EXTL2: variants seen among roughly 807,000 people sequenced by gnomAD.
EXTL2 encodes the protein exostosin-like 2.
Under a neutral mutation model 30.7 loss-of-function variants are expected in EXTL2, and 23 were observed. The observed-to-expected ratio is 0.75, with a 90% CI of 0.54 to 1.06. The LOEUF (loss-of-function observed/expected upper bound fraction) is 1.06. Among genes scored for constraint, EXTL2 ranks in the 50% least tolerant of loss-of-function variants. EXTL2 has a pLI of 0.00. For synonymous variants in EXTL2, 123 were observed against 133.8 expected, an observed-to-expected ratio of 0.92 and a Z score of 0.56; for missense variants, 352 against 396.3, an observed-to-expected ratio of 0.89 and a Z score of 0.95.
Position 100,874,211 on chromosome 1 carries a change from T to TTTGAGTA in EXTL2, c.717_723dup (p.Asn242TyrfsTer5). 6.2e-7 allele frequency: 1 copy of TTTGAGTA among 1,612,984 alleles called. No individual in the cohort carries two copies. The highest frequency in any genetic ancestry group is 8.5e-7 in the Non-Finnish European group (1 of 1,179,432). On this transcript the variant is annotated frameshift_variant, in exon 5 of 5. Coordinates refer to ENST00000370114, the MANE Select transcript of EXTL2 (RefSeq NM_001033025.3). LOFTEE classifies it high-confidence loss of function. ...AAATTCATGGCAATATCATCACAGT[T>TTTGAGTA]TTGAGTATCATCTATCAAAGCATGG...
At chr1:100,880,317 C>T (rs1570460371) in intron 2 of EXTL2, among the ~76,000 whole-genome samples, 1 of 152,088 alleles carries the variant, frequency 6.6e-6, no homozygotes, top group African/African-American at 2.4e-5. Flanking sequence ...TTTCAACAGT[C>T]CAGATTTGAA....
Position 100,873,904 on chromosome 1 carries a change from C to T in EXTL2, c.*38G>A, listed in dbSNP as rs1174042152. 2 of 1,520,624 alleles carry T rather than the reference C, an allele frequency of 1.3e-6. No homozygotes were observed. Among genetic ancestry groups the T allele is most frequent in the African/African-American group, 2.8e-5 (2 of 71,562 alleles). 94.2% of individuals were successfully genotyped at this position (1,520,624 alleles called of 1,614,324 possible). A position where few individuals can be genotyped will look rare whatever the true frequency, so the allele number is the denominator to read the frequency against. ...ATAGCATGGAGAAGCTACTCAAATG[C>T]CAAGCAGTTTTCAGGTTTGTTTTTG... On this transcript the variant is annotated 3_prime_UTR_variant, in exon 5 of 5. Coordinates refer to ENST00000370114, the MANE Select transcript of EXTL2 (RefSeq NM_001033025.3).
intron 4 of EXTL2, among the ~76,000 whole-genome samples, chr1:100,876,191 T>C (rs1347707135): frequency 6.6e-6 from 1 of 152,068 alleles, no homozygotes; most frequent in Non-Finnish European, 1.5e-5. Context: ...GTGCAACTTG[T>C]AAAAGTTAGC....
At chr1:100,879,540 G>A (rs893684958) in intron 2 of EXTL2, among the ~76,000 whole-genome samples, 8 of 152,088 alleles carry the variant, frequency 5.3e-5, no homozygotes, top group African/African-American at 1.9e-4. Context: ...TGTTATTCTT[G>A]GTGACCTTAA....
intron 2 of EXTL2, among the ~76,000 whole-genome samples, chr1:100,879,203 G>A (rs1390553423): frequency 1.3e-5 from 2 of 152,020 alleles, no homozygotes; most frequent in African/African-American, 4.8e-5. Flanking sequence ...AGTACTGTTG[G>A]CATTCAATTA....
intron 1 of EXTL2, among the ~76,000 whole-genome samples, chr1:100,889,887 T>C (rs1650285148): frequency 6.6e-6 from 1 of 152,196 alleles, no homozygotes; most frequent in African/African-American, 2.4e-5. Context: ...TGAGTGTCTG[T>C]GGCTTTTCCA....
At chr1:100,894,920 T>G (rs1227522734), upstream of EXTL2, 1 of 152,244 alleles carries the variant, frequency 6.6e-6, no homozygotes, top group Non-Finnish European at 1.5e-5. Context: ...TTTTGTAGTT[T>G]CCAGCCCACC....
intron 2 of EXTL2, among the ~76,000 whole-genome samples, chr1:100,881,512 C>T (rs1317055695): frequency 6.6e-6 from 1 of 152,208 alleles, no homozygotes; most frequent in Non-Finnish European, 1.5e-5. Flanking sequence ...CCTAAACTTT[C>T]CCTTTTAGGT....
At chr1:100,889,641 C>G (rs745900767) in intron 1 of EXTL2, among the ~76,000 whole-genome samples, 14 of 152,156 alleles carry the variant, frequency 9.2e-5, no homozygotes, top group Non-Finnish European at 1.6e-4. Flanking sequence ...GAAAAATGCT[C>G]CCATTCCAAA....
intron 2 of EXTL2, among the ~76,000 whole-genome samples, chr1:100,885,064 T>C (rs915824173): frequency 2.6e-5 from 4 of 152,214 alleles, no homozygotes; most frequent in Non-Finnish European, 4.4e-5. Flanking sequence ...AAAGCAACTG[T>C]TCCCTACATA....
At chr1:100,889,691 T>G (rs563052897) in intron 1 of EXTL2, among the ~76,000 whole-genome samples, 1 of 152,322 alleles carries the variant, frequency 6.6e-6, no homozygotes, top group African/African-American at 2.4e-5. Context: ...ACAGGCCCCA[T>G]GCAAGTCCGA....
intron 2 of EXTL2, 84 bp downstream of exon 2, chr1:100,888,669 A>T: frequency 1.4e-6 from 1 of 697,922 alleles, no homozygotes; most frequent in Non-Finnish European, 2.5e-6. Context: ...TGAACTATAT[A>T]CTTAAAACCC....
chr1:100,888,479 A>G (rs1650152370), intron 2 of EXTL2: 1 of 302,422 alleles, frequency 3.3e-6, no homozygotes, highest in Non-Finnish European at 6.1e-6. Flanking sequence ...GTATGATTCC[A>G]TTTATTATGA....
Position 100,877,680 on chromosome 1 carries a change from C to A in EXTL2, c.229G>T (p.Asp77Tyr). The A allele has an allele frequency of 6.2e-7, 1 of 1,613,604 alleles. No homozygotes were observed. The highest frequency in any genetic ancestry group is 8.5e-7 in the Non-Finnish European group (1 of 1,179,696). Reference sequence around the variant, plus strand: ...TGATTTAAAAGTTTCAATAAGAGATCTGTTCTGTTGTACGTCTGCATTATG... The same window carrying A: ...TGATTTAAAAGTTTCAATAAGAGATATGTTCTGTTGTACGTCTGCATTATG... ...TLIMQTYNRT[D>Y]LLLKLLNHYQ... Residue 77 changes from aspartate to tyrosine, a missense_variant, in exon 3 of 5, where the codon GAT becomes TAT. Transcript: ENST00000370114. This position sits in a 1 kb window ranked among gnomAD's most constrained non-coding sequence, Gnocchi z 4.1.
intron 1 of EXTL2, among the ~76,000 whole-genome samples, chr1:100,894,155 T>A (rs1008756182): frequency 2.8e-5 from 4 of 144,000 alleles, no homozygotes; most frequent in Non-Finnish European, 4.4e-5. Context: ...CTATTACTTC[T>A]CCCGCCTTCT....
At chr1:100,890,716 C>G (rs2100973650) in intron 1 of EXTL2, among the ~76,000 whole-genome samples, 1 of 152,282 alleles carries the variant, frequency 6.6e-6, no homozygotes, top group East Asian at 1.9e-4. Flanking sequence ...CATCTGAGAC[C>G]ACATCAGCCT....
intron 2 of EXTL2, among the ~76,000 whole-genome samples, chr1:100,884,159 A>C (rs1185041568): frequency 6.6e-6 from 1 of 152,342 alleles, no homozygotes; most frequent in East Asian, 1.9e-4. Flanking sequence ...ATAAGGTAGA[A>C]AAGCAATGAG....
chr1:100,880,280 G>A (rs999418174), intron 2 of EXTL2, among the ~76,000 whole-genome samples: 1 of 152,134 alleles, frequency 6.6e-6, no homozygotes, highest in African/African-American at 2.4e-5. Context: ...ACAAGGAGAA[G>A]ATCATTGTCA....
chr1:100,872,661 G>A lies in EXTL2; in HGVS notation c.*1281C>T, dbSNP rs534040074. 6.6e-6 allele frequency: 1 copy of A among 152,468 alleles called. No individual in the cohort carries two copies. The highest frequency in any genetic ancestry group is 1.5e-5 in the Non-Finnish European group (1 of 67,944). 9.4% of individuals were successfully genotyped at this position (152,468 alleles called of 1,614,324 possible). On this transcript the variant is annotated 3_prime_UTR_variant, in exon 5 of 5. Transcript: ENST00000370114. ...AATATTCTCACAGCTTTGCAATTTT[G>A]AGAATATACTAGCATTATATAAGAA...
Sources: gnomAD v4.1 joint callset for allele counts (sites outside exome capture counted in the v4.1 genomes callset) on GRCh38, gnomAD v4.1.1 for gene constraint, Gnocchi (gnomAD v3.1) non-coding constraint, MANE v1.5 for transcripts, NCBI Gene and HGNC (gene_info 2026-07-23, HGNC 2026-07-21) for gene names.